Variants in FAM184A observed in about 807,000 individuals in gnomAD.
FAM184A encodes the protein protein FAM184A.
FAM184A carries 99 observed loss-of-function variants against 143.8 expected under a neutral mutation model. The observed-to-expected ratio is 0.69, with a 90% CI of 0.58 to 0.81. The LOEUF is 0.81. Among genes scored for constraint, FAM184A ranks in the 40% least tolerant of loss-of-function variants. The pLI, the probability that FAM184A is intolerant of heterozygous loss-of-function variation, is 0.00. For missense variants in FAM184A, 1,217 were observed against 1,310.5 expected (o/e 0.93, Z 1.10); for synonymous variants, 427 against 446.4 (o/e 0.96, Z 0.55).
chr6:119,124,767 T>A (rs1284141752), intron 1 of FAM184A, among the ~76,000 whole-genome samples: 14 of 146,696 alleles, frequency 9.5e-5, no homozygotes, highest in Non-Finnish European at 2.0e-4. Flanking sequence ...TTTTTTTTTT[T>A]ATATCTTTAA....
At chr6:118,996,882 T>A (rs1474926275) in intron 9 of FAM184A, among the ~76,000 whole-genome samples, 1 of 117,960 alleles carries the variant, frequency 8.5e-6, no homozygotes, top group Admixed American at 7.9e-5. Flanking sequence ...GCCTGGCTAA[T>A]TTTTTTTTTT....
At chr6:118,976,116 G>T (rs758096895) in intron 11 of FAM184A, 72 bp from the exon 12 acceptor site, 2 of 1,457,822 alleles carry the variant, frequency 1.4e-6, no homozygotes, top group Admixed American at 4.3e-5. Flanking sequence ...AAAAATTATA[G>T]AAGTAAAAAA....
intron 16 of FAM184A, chr6:118,962,403 A>G (rs1223872333): frequency 1.3e-5 from 2 of 158,094 alleles, no homozygotes; most frequent in Admixed American, 1.2e-4. Context: ...AAATTTAGCC[A>G]TCTGTCAAAG....
intron 1 of FAM184A, among the ~76,000 whole-genome samples, chr6:119,113,042 G>C (rs1788972030): frequency 6.6e-6 from 1 of 152,096 alleles, no homozygotes; most frequent in Admixed American, 6.6e-5. Flanking sequence ...TTGGCTGCCA[G>C]TCCCCTTGCT....
At chr6:119,000,542 T>C (rs1382252462) in intron 9 of FAM184A, among the ~76,000 whole-genome samples, 2 of 152,244 alleles carry the variant, frequency 1.3e-5, no homozygotes, top group Non-Finnish European at 2.9e-5. Context: ...ATGCTTTTAA[T>C]GCTCATTTTT....
intron 13 of FAM184A, 104 bp downstream of exon 13, chr6:118,974,920 T>C: frequency 3.5e-6 from 3 of 847,882 alleles, no homozygotes; most frequent in Non-Finnish European, 5.5e-6. Flanking sequence ...AATATTTTAC[T>C]AGAGAGCCAG....
At chr6:119,137,657 C>T (rs1180201130) in intron 1 of FAM184A, among the ~76,000 whole-genome samples, 1 of 152,152 alleles carries the variant, frequency 6.6e-6, no homozygotes. Context: ...AATATGATTG[C>T]AAAATCCAGT....
chr6:119,066,461 A>C lies in FAM184A; in HGVS notation c.159+11680T>G, dbSNP rs559105427. 1.0e-3 allele frequency among the ~76,000 whole-genome samples: 154 copies of C among 152,326 alleles called. 1 individual carries two copies. Among genetic ancestry groups the C allele is most frequent in the Non-Finnish European group, 1.9e-3 (128 of 68,030 alleles). On this transcript the variant is annotated intron_variant, in intron 1 of 17. Transcript: ENST00000338891. ...CATCTGCTAATGCTAATGTCAGATA[A>C]CATCTTCACAGGTTCTAGGTATTAG...
chr6:119,111,119 A>C lies in FAM184A; in HGVS notation c.-202+37959T>G, dbSNP rs569057958. ...TTATAAAAGTCAAAGCATGGAAGCA[A>C]CCCAAGTGTCCCTTGATGGTGAATG... On this transcript the variant is annotated intron_variant, in intron 1 of 16. Transcript: ENST00000352896. Among the ~76,000 whole-genome samples the C allele has an allele frequency of 1.8e-3, 277 of 152,308 alleles. 2 individuals are homozygous for C. Among genetic ancestry groups the C allele is most frequent in the South Asian group, 3.3e-3 (16 of 4,822 alleles).
At chr6:119,025,836 G>A (rs1785615903) in intron 1 of FAM184A, among the ~76,000 whole-genome samples, 1 of 152,176 alleles carries the variant, frequency 6.6e-6, no homozygotes, top group Non-Finnish European at 1.5e-5. Context: ...TATTACTCTG[G>A]CTTTAGAAAT....
At chr6:118,972,646 T>C (rs1182224542) in intron 14 of FAM184A, among the ~76,000 whole-genome samples, 1 of 152,186 alleles carries the variant, frequency 6.6e-6, no homozygotes, top group East Asian at 1.9e-4. Context: ...TGCTACCTAC[T>C]GAAGATTCAT....
chr6:119,087,335 AT>A (rs1788247833), intron 1 of FAM184A, among the ~76,000 whole-genome samples: 1 of 152,244 alleles, frequency 6.6e-6, no homozygotes, highest in Admixed American at 6.5e-5. Flanking sequence ...TTTGCAGACC[AT>A]GCTTCTGATA....
chr6:119,021,217 A>C lies in FAM184A; in HGVS notation c.1151-1058T>G, dbSNP rs1248059096. On this transcript the variant is annotated intron_variant, in intron 3 of 17. Transcript: ENST00000338891. ...AGGCTATTAAAAACAACTATTTTAG[A>C]GGAAGGAAAATCTGAGATTCACTGA... Among the ~76,000 whole-genome samples, 4 of 152,114 alleles carry C rather than the reference A, an allele frequency of 2.6e-5. No individual in the cohort carries two copies. The East Asian group carries it at 5.8e-4, about 22-fold the overall frequency.
At position 119,024,451 on chromosome 6, in the gene FAM184A, T is replaced by G. The variant is rs34681930; in HGVS notation, c.522A>C (p.Gln174His). The G allele has an allele frequency of 6.2e-7, 1 of 1,614,108 alleles. No homozygotes were observed. The highest frequency in any genetic ancestry group is 2.2e-5 in the East Asian group (1 of 44,886). Residue 174 changes from glutamine to histidine, a missense_variant, in exon 2 of 18, where the codon CAA becomes CAC. Transcript: ENST00000338891. ...KFEEKLRSFG[Q>H]LQVQFEKDKR... ...TGTCTTTTTCAAACTGTACTTGAAGTTGTCCAAAGCTCCGTAATTTTTCTT... is the reference window on the plus strand; with the variant it reads ...TGTCTTTTTCAAACTGTACTTGAAGGTGTCCAAAGCTCCGTAATTTTTCTT...
intron 1 of FAM184A, among the ~76,000 whole-genome samples, chr6:119,116,927 G>C (rs770426600): frequency 6.6e-6 from 1 of 152,246 alleles, no homozygotes; most frequent in Non-Finnish European, 1.5e-5. Context: ...GGAAGTGTGT[G>C]TATGTGAGAT....
Position 118,960,917 on chromosome 6 carries a change from G to A in FAM184A, c.3342-733C>T, listed in dbSNP as rs1783302367. ...AAGCAACACAAAATATTTAGCAGGA[G>A]ACAAATTCAGAGGTGTATCTGACTA... On this transcript the variant is annotated intron_variant, in intron 17 of 17. Coordinates refer to ENST00000338891, the MANE Select transcript of FAM184A (RefSeq NM_024581.6). 5.3e-6 allele frequency: 5 copies of A among 944,168 alleles called. No homozygotes were observed. The South Asian group carries it at 7.4e-5, about 14-fold the overall frequency. 58.5% of individuals were successfully genotyped at this position (944,168 alleles called of 1,614,324 possible). A position where few individuals can be genotyped will look rare whatever the true frequency, so the allele number is the denominator to read the frequency against.
intron 1 of FAM184A, among the ~76,000 whole-genome samples, chr6:119,039,604 T>C (rs1021497055): frequency 1.3e-5 from 2 of 152,196 alleles, no homozygotes; most frequent in Non-Finnish European, 2.9e-5. Context: ...AGATCAGTAG[T>C]TGCCAGGGGT....
intron 1 of FAM184A, among the ~76,000 whole-genome samples, chr6:119,060,207 G>A (rs556320967): frequency 2.6e-5 from 4 of 152,282 alleles, no homozygotes; most frequent in African/African-American, 7.2e-5. Flanking sequence ...GCTCCTTCCT[G>A]TAATTCTTTC....
chr6:119,093,124 C>G (rs1788415422), intron 1 of FAM184A, among the ~76,000 whole-genome samples: 1 of 152,162 alleles, frequency 6.6e-6, no homozygotes, highest in African/African-American at 2.4e-5. Context: ...TCTGTGAACC[C>G]CAATTCATAG....
Sources: gnomAD v4.1 joint callset for allele counts (sites outside exome capture counted in the v4.1 genomes callset) on GRCh38, gnomAD v4.1.1 for gene constraint, MANE v1.5 for transcripts, NCBI Gene and HGNC (gene_info 2026-07-23, HGNC 2026-07-21) for gene names.